CYP4X1: variants seen among roughly 807,000 people sequenced by gnomAD.
CYP4X1 encodes cytochrome P450 family 4 subfamily X member 1.
In CYP4X1, 44 loss-of-function variants were observed where a neutral mutation model predicts 57.9. That is an observed-to-expected ratio of 0.76 (90% confidence interval 0.60 to 0.98). CYP4X1 has a LOEUF of 0.98. Ranked by LOEUF, CYP4X1 falls within the 50% of genes least tolerant of loss-of-function variation. The pLI is 0.00. For synonymous variants in CYP4X1, 227 were observed against 228.6 expected, an observed-to-expected ratio of 0.99 and a Z score of 0.06; for missense variants, 532 against 623.9, an observed-to-expected ratio of 0.85 and a Z score of 1.57.
the CYP4X1 span, chr1:46,967,826 C>G: frequency 8.9e-5 from 117 of 1,314,582 alleles, no homozygotes; most frequent in East Asian, 3.1e-3. Context: ...AGGGCCATGG[C>G]CACCTTTAGC....
At chr1:46,996,832 G>C in the CYP4X1 span, among the ~76,000 whole-genome samples, 1 of 152,180 alleles carries the variant, frequency 6.6e-6, no homozygotes, top group Non-Finnish European at 1.5e-5. Context: ...AAACGAGGGA[G>C]AGTAGGAATG....
chr1:47,042,044 A>G (rs539595001), intron 8 of CYP4X1, among the ~76,000 whole-genome samples: 2 of 152,018 alleles, frequency 1.3e-5, no homozygotes, highest in African/African-American at 4.8e-5. Context: ...CTGCCCTTTC[A>G]CCACTGTATG....
chr1:46,999,097 G>A, the CYP4X1 span, among the ~76,000 whole-genome samples: 228 of 145,946 alleles, frequency 1.6e-3, 1 homozygote, highest in African/African-American at 5.6e-3. Context: ...TAGCTATTTG[G>A]CTTCTTTTTT....
At chr1:47,006,450 G>T in the CYP4X1 span, among the ~76,000 whole-genome samples, 1 of 152,158 alleles carries the variant, frequency 6.6e-6, no homozygotes, top group Non-Finnish European at 1.5e-5. Context: ...TCTAAGAGAG[G>T]TGGAGCCAAG....
At chr1:47,013,056 G>A in the CYP4X1 span, among the ~76,000 whole-genome samples, 1 of 151,978 alleles carries the variant, frequency 6.6e-6, no homozygotes, top group East Asian at 1.9e-4. Flanking sequence ...TCACCATACC[G>A]TTTTCTCGAT....
At chr1:47,046,351 A>T in intron 8 of CYP4X1, 116 bp from the exon 9 acceptor site, 2 of 1,417,724 alleles carry the variant, frequency 1.4e-6, no homozygotes, top group South Asian at 2.8e-5. Context: ...CTGTTACATA[A>T]ACCAGTGGCA....
chr1:47,014,776 C>T, the CYP4X1 span, among the ~76,000 whole-genome samples: 1 of 152,154 alleles, frequency 6.6e-6, no homozygotes, highest in Non-Finnish European at 1.5e-5. Flanking sequence ...CACATCTCCA[C>T]CAAACATTTT....
the CYP4X1 span, among the ~76,000 whole-genome samples, chr1:46,985,089 A>C: frequency 6.6e-6 from 1 of 152,216 alleles, no homozygotes; most frequent in East Asian, 1.9e-4. Context: ...ACTAAGCAGC[A>C]GGGAAGTTCC....
chr1:46,990,328 T>C, the CYP4X1 span, among the ~76,000 whole-genome samples: 10 of 152,028 alleles, frequency 6.6e-5, no homozygotes, highest in Non-Finnish European at 1.5e-4. Context: ...CTTAGAGAAA[T>C]GCAAATCAAA....
chr1:47,022,302 T>A (rs956548987), upstream of CYP4X1, among the ~76,000 whole-genome samples: 7 of 144,420 alleles, frequency 4.8e-5, no homozygotes, highest in Non-Finnish European at 9.1e-5. Context: ...TTTTTTTTTT[T>A]TTTTTTTGAG....
chr1:47,037,044 A>G lies in CYP4X1; in HGVS notation c.775+873A>G, dbSNP rs149323027. Among the ~76,000 whole-genome samples, 4 of 152,302 alleles carry G rather than the reference A, an allele frequency of 2.6e-5. No homozygotes were observed. The East Asian group carries it at 7.7e-4, about 29-fold the overall frequency. ...ATTTAAGGCATAAATGGGCATTATA[A>G]ATAGCAGCAGTTCCCAAGTCTTTCT... On this transcript the variant is annotated intron_variant, in intron 6 of 11. Coordinates refer to ENST00000371901, the MANE Select transcript of CYP4X1 (RefSeq NM_178033.2).
the CYP4X1 span, among the ~76,000 whole-genome samples, chr1:46,965,405 C>G: frequency 7.1e-6 from 1 of 140,048 alleles, no homozygotes; most frequent in Non-Finnish European, 1.5e-5. Context: ...TGCCCCCACT[C>G]TTTTTTGTTG....
intron 9 of CYP4X1, among the ~76,000 whole-genome samples, chr1:47,048,307 A>G (rs1013953906): frequency 6.6e-6 from 1 of 152,222 alleles, no homozygotes; most frequent in African/African-American, 2.4e-5. Context: ...AAATATAAGC[A>G]TGGTTTATCA....
chr1:47,031,562 A>C, intron 3 of CYP4X1, 82 bp downstream of exon 3: 1 of 1,496,792 alleles, frequency 6.7e-7, no homozygotes, highest in Non-Finnish European at 9.2e-7. Flanking sequence ...AGAAACTGAA[A>C]TCTGAATTCA....
downstream of CYP4X1, among the ~76,000 whole-genome samples, chr1:47,054,492 C>G (rs904208599): frequency 1.7e-4 from 25 of 151,138 alleles, no homozygotes; most frequent in Non-Finnish European, 2.8e-4. Flanking sequence ...GGCATTGAAT[C>G]TATAAATTAC....
chr1:47,011,291 A>G, the CYP4X1 span, among the ~76,000 whole-genome samples: 6 of 152,222 alleles, frequency 3.9e-5, no homozygotes, highest in Non-Finnish European at 8.8e-5. Flanking sequence ...AAACCTGACA[A>G]AAACAAGAAA....
chr1:46,993,705 T>C, the CYP4X1 span, among the ~76,000 whole-genome samples: 8 of 152,246 alleles, frequency 5.3e-5, no homozygotes, highest in Non-Finnish European at 1.0e-4. Context: ...TTTTCGTGTG[T>C]CTTTTGGCTG....
chr1:46,962,911 A>T, the CYP4X1 span, among the ~76,000 whole-genome samples: 1 of 152,140 alleles, frequency 6.6e-6, no homozygotes, highest in Admixed American at 6.6e-5. Flanking sequence ...GTCTCTAAGG[A>T]CTTACTTTAT....
the CYP4X1 span, chr1:46,961,447 A>T: frequency 1.4e-6 from 1 of 706,562 alleles, no homozygotes; most frequent in Non-Finnish European, 1.9e-6. Flanking sequence ...CAGTTTTTCT[A>T]CACTCACCCA....
Sources: gnomAD v4.1 joint callset for allele counts (sites outside exome capture counted in the v4.1 genomes callset) on GRCh38, gnomAD v4.1.1 for gene constraint, MANE v1.5 for transcripts, NCBI Gene and HGNC (gene_info 2026-07-23, HGNC 2026-07-21) for gene names.